ERC1: variants seen among roughly 807,000 people sequenced by gnomAD.
The protein encoded by ERC1 is RAB6 interacting protein 2.
ERC1 carries 56 observed loss-of-function variants against 132.0 expected under a neutral mutation model. That is an observed-to-expected ratio of 0.42 (90% confidence interval 0.34 to 0.53). The LOEUF is 0.53. Ranked by LOEUF, ERC1 falls within the 20% of genes least tolerant of loss-of-function variation. The pLI is 0.03. For synonymous variants in ERC1, 478 were observed against 476.1 expected, an observed-to-expected ratio of 1.00 and a Z score of -0.05; for missense variants, 1,202 against 1,349.9, an observed-to-expected ratio of 0.89 and a Z score of 1.72.
At chr12:1,020,584 A>G (rs1374981423) in intron 1 of ERC1, 3 of 152,226 alleles carry the variant, frequency 2.0e-5, no homozygotes, top group South Asian at 2.1e-4. Context: ...ACTCATTTCA[A>G]TTCTTGACTG....
chr12:1,465,419 C>T (rs988410283), intron 18 of ERC1, among the ~76,000 whole-genome samples: 1 of 152,220 alleles, frequency 6.6e-6, no homozygotes, highest in Non-Finnish European at 1.5e-5. Context: ...ACGTAAATTT[C>T]TTACAGAGTG....
chr12:1,048,365 C>T (rs1168667738), intron 2 of ERC1, among the ~76,000 whole-genome samples: 1 of 152,160 alleles, frequency 6.6e-6, no homozygotes, highest in Non-Finnish European at 1.5e-5. Flanking sequence ...GCTCCTGCCA[C>T]CTCTTTTTCT....
intron 15 of ERC1, among the ~76,000 whole-genome samples, chr12:1,295,925 G>T (rs1271548679): frequency 6.7e-6 from 1 of 149,128 alleles, no homozygotes; most frequent in African/African-American, 2.5e-5. Flanking sequence ...TACCAGACAT[G>T]CAAAGAATCA....
chr12:1,442,564 C>T (rs2093186797), intron 17 of ERC1, among the ~76,000 whole-genome samples: 1 of 152,224 alleles, frequency 6.6e-6, no homozygotes, highest in Non-Finnish European at 1.5e-5. Context: ...TCTAGCCAGG[C>T]TCCAGCTTCT....
chr12:1,285,425 G>A lies in ERC1; in HGVS notation c.2620-4427G>A, dbSNP rs570804580. ...TTGAAAACACCAAGAAAGTCAGCTG[G>A]TCTTTGGTGAGACTAAAAGAAAAAA... On this transcript the variant is annotated intron_variant, in intron 14 of 18. Transcript: ENST00000360905. 8.5e-5 allele frequency among the ~76,000 whole-genome samples: 13 copies of A among 152,144 alleles called. 1 individual carries two copies. Among genetic ancestry groups the A allele is most frequent in the Middle Eastern group, 3.4e-3 (1 of 294 alleles).
chr12:1,350,282 G>A (rs1053118455), intron 15 of ERC1, among the ~76,000 whole-genome samples: 16 of 152,228 alleles, frequency 1.1e-4, no homozygotes, highest in Non-Finnish European at 2.9e-5. Context: ...CCAGCACTGA[G>A]ACACAGTGGT....
At chr12:1,299,457 A>G (rs2080225302) in intron 15 of ERC1, among the ~76,000 whole-genome samples, 1 of 152,234 alleles carries the variant, frequency 6.6e-6, no homozygotes, top group South Asian at 2.1e-4. Flanking sequence ...GAACTGAATG[A>G]AAATTCAAAT....
chr12:1,101,453 AG>A (rs1258623501), intron 3 of ERC1, among the ~76,000 whole-genome samples: 1 of 152,190 alleles, frequency 6.6e-6, no homozygotes, highest in Non-Finnish European at 1.5e-5. Flanking sequence ...TGGAAGCCTG[AG>A]GTAGCTGCTG....
chr12:1,101,110 G>C (rs537175645), intron 3 of ERC1, among the ~76,000 whole-genome samples: 5 of 152,130 alleles, frequency 3.3e-5, no homozygotes, highest in Non-Finnish European at 5.9e-5. Context: ...CAGTGACCCT[G>C]ATGAATTGCA....
chr12:1,209,818 C>A (rs779481338), intron 12 of ERC1, among the ~76,000 whole-genome samples: 3 of 152,128 alleles, frequency 2.0e-5, no homozygotes, highest in Non-Finnish European at 4.4e-5. Flanking sequence ...GATTTTTCTC[C>A]TTTTTTAAAA....
chr12:1,410,642 G>A (rs1163016279), intron 17 of ERC1, among the ~76,000 whole-genome samples: 4 of 141,398 alleles, frequency 2.8e-5, no homozygotes, highest in Non-Finnish European at 6.1e-5. Flanking sequence ...TGGATTTTGT[G>A]GCTTTTTTTT....
At chr12:1,005,243 C>G (rs1963354105) in intron 1 of ERC1, among the ~76,000 whole-genome samples, 1 of 151,894 alleles carries the variant, frequency 6.6e-6, no homozygotes, top group Non-Finnish European at 1.5e-5. Context: ...CCTCGACCTC[C>G]CAGGCTCAAG....
At chr12:1,315,842 T>A (rs2081658337) in intron 15 of ERC1, among the ~76,000 whole-genome samples, 1 of 152,142 alleles carries the variant, frequency 6.6e-6, no homozygotes, top group African/African-American at 2.4e-5. Context: ...TTTACAAAAC[T>A]GATAACAATA....
rs766814773 is a variant in ERC1, at chr12:1,408,085, G to A, written c.2926-64G>A. ...TTCTTATGGAACTCTTAAAATACTCGTTACTTTACAGTGTGTCATAGAAAC... is the reference window on the plus strand; with the variant it reads ...TTCTTATGGAACTCTTAAAATACTCATTACTTTACAGTGTGTCATAGAAAC... On this transcript the variant is annotated intron_variant, in intron 16 of 18. Transcript: ENST00000360905. The A allele has an allele frequency of 5.2e-5, 57 of 1,102,440 alleles. No homozygotes were observed. The Middle Eastern group carries it at 2.4e-3, about 46-fold the overall frequency. The allele number at this position is 1,102,440 out of a possible 1,614,324, so 68.3% of individuals were successfully genotyped here.
chr12:1,351,774 T>A (rs1296349902), intron 15 of ERC1, among the ~76,000 whole-genome samples: 1 of 152,204 alleles, frequency 6.6e-6, no homozygotes. Flanking sequence ...CATTTTTTAA[T>A]CAGATCATTT....
At chr12:1,215,346 G>GA (rs1250554275) in intron 12 of ERC1, among the ~76,000 whole-genome samples, 1 of 152,040 alleles carries the variant, frequency 6.6e-6, no homozygotes, top group East Asian at 1.9e-4. Flanking sequence ...TGAGACAGTT[G>GA]GATCATCTTA....
At chr12:1,011,365 G>C (rs1406122214) in intron 1 of ERC1, among the ~76,000 whole-genome samples, 2 of 151,912 alleles carry the variant, frequency 1.3e-5, no homozygotes, top group Admixed American at 1.3e-4. Flanking sequence ...CACCATGCCC[G>C]GCTAATTAAA....
At chr12:1,069,744 T>G (rs1023977435) in intron 2 of ERC1, among the ~76,000 whole-genome samples, 3 of 152,218 alleles carry the variant, frequency 2.0e-5, no homozygotes, top group Non-Finnish European at 4.4e-5. Flanking sequence ...AACATACTAA[T>G]TTTTCTGTAG....
At chr12:1,378,477 C>T (rs1232341256) in intron 16 of ERC1, among the ~76,000 whole-genome samples, 1 of 152,184 alleles carries the variant, frequency 6.6e-6, no homozygotes, top group Non-Finnish European at 1.5e-5. Flanking sequence ...ACGAAAAATT[C>T]TCCTAACTAG....
Sources: gnomAD v4.1 joint callset for allele counts (sites outside exome capture counted in the v4.1 genomes callset) on GRCh38, gnomAD v4.1.1 for gene constraint, MANE v1.5 for transcripts, NCBI Gene and HGNC (gene_info 2026-07-23, HGNC 2026-07-21) for gene names.